Variants in PRG3 observed in about 807,000 individuals in gnomAD.
PRG3 encodes proteoglycan 3.
In PRG3, 25 loss-of-function variants were observed where a neutral mutation model predicts 26.1. The ratio of observed to expected loss-of-function variants is 0.96; its 90% CI spans 0.70 to 1.34. The LOEUF is 1.34. Ranked by LOEUF, PRG3 falls within the 40% of genes most tolerant of loss-of-function variation. The pLI, the probability that PRG3 is intolerant of heterozygous loss-of-function variation, is 0.00. For missense variants in PRG3, 280 were observed against 264.8 expected, an observed-to-expected ratio of 1.06 and a Z score of -0.40; for synonymous variants, 111 against 100.4, an observed-to-expected ratio of 1.11 and a Z score of -0.63.
intron 2 of PRG3, among the ~76,000 whole-genome samples, chr11:57,380,425 A>AC (rs1043084272): frequency 6.7e-6 from 1 of 148,456 alleles, no homozygotes; most frequent in African/African-American, 2.6e-5. Flanking sequence ...ACAAACAAAA[A>AC]AAAAAACAAA....
chr11:57,379,602 G>A lies in PRG3; in HGVS notation c.267C>T (p.Asp89=). The A allele has an allele frequency of 6.2e-7, 1 of 1,613,930 alleles. No homozygotes were observed. Among genetic ancestry groups the A allele is most frequent in the Non-Finnish European group, 8.5e-7 (1 of 1,180,024 alleles). Residue 89 remains aspartate (D), a synonymous_variant, in exon 3 of 6, where the codon GAC becomes GAT. Transcript: ENST00000287143. Reference sequence around the variant, plus strand: ...TGTCTTCTTCCCTGGGGCACTGGAAGTCCTTGTCTAAGGCAGCTGGGTCCG... The same window carrying A: ...TGTCTTCTTCCCTGGGGCACTGGAAATCCTTGTCTAAGGCAGCTGGGTCCG... The part of the protein sequence containing the change: ...MESDPAALDK[D]FQCPREEDIV...
Position 57,378,822 on chromosome 11 carries a change from G to GC in PRG3, c.376-11_376-10insG. 1 of 1,613,302 alleles carries GC rather than the reference G, an allele frequency of 6.2e-7. No individual in the cohort carries two copies. Among genetic ancestry groups the GC allele is most frequent in the Non-Finnish European group, 8.5e-7 (1 of 1,179,700 alleles). Reference sequence around the variant, plus strand: ...ATCTGCTGCAGACATTCTGCAGACGGAAACAAAGTAGAGAATTCCCTCTCA... The same window carrying GC: ...ATCTGCTGCAGACATTCTGCAGACGGCAAACAAAGTAGAGAATTCCCTCTCA... On this transcript the variant is annotated splice_polypyrimidine_tract_variant and intron_variant, in intron 3 of 5. Transcript: ENST00000287143.
rs1856981022 is a variant in PRG3, at chr11:57,379,796, G to C, written c.73C>G (p.Pro25Ala). Reference sequence around the variant, plus strand: ...TGTGTCTCTAGGCTCTCCAGATGGGGGGCATCATTCTCTGGGAAGAAGAGG... The same window carrying C: ...TGTGTCTCTAGGCTCTCCAGATGGGCGGCATCATTCTCTGGGAAGAAGAGG... ...VSALHLENDA[P>A]HLESLETQAD... Residue 25 changes from proline to alanine, a missense_variant, in exon 3 of 6, where the codon CCC becomes GCC. By Grantham distance (27) the Pro-to-Ala change is conservative. Transcript: ENST00000287143. 1 of 1,606,660 alleles carries C rather than the reference G, an allele frequency of 6.2e-7. No individual in the cohort carries two copies. The highest frequency in any genetic ancestry group is 1.1e-5 in the South Asian group (1 of 90,454).
intron 2 of PRG3, among the ~76,000 whole-genome samples, 156 bp downstream of exon 2, chr11:57,380,492 T>G (rs1015635006): frequency 6.6e-6 from 1 of 151,914 alleles, no homozygotes; most frequent in South Asian, 2.1e-4. Context: ...GTTACAGTTC[T>G]GAGTCCAAGT....
rs546237775 is a variant in PRG3, at chr11:57,377,636, G to A, written c.619+89C>T. On this transcript the variant is annotated intron_variant, in intron 5 of 5. Transcript: ENST00000287143. ...TCAGTCAGCGGGAGGGTCTGAGTTT[G>A]GGGAGGTGTGTTCAGGCAGCTCAAA... The A allele has an allele frequency of 1.5e-5, 16 of 1,077,222 alleles. No homozygotes were observed. In the South Asian group the frequency reaches 2.4e-4, roughly 16 times the overall value. 66.7% of individuals were successfully genotyped at this position (1,077,222 alleles called of 1,614,324 possible). A position where few individuals can be genotyped will look rare whatever the true frequency, so the allele number is the denominator to read the frequency against.
rs573497755 is a variant in PRG3 at position 57,378,117 on chromosome 11, C to A, written c.508-281G>T. Among the ~76,000 whole-genome samples the A allele has an allele frequency of 8.1e-4, 124 of 152,284 alleles. 2 individuals carry two copies. The highest frequency in any genetic ancestry group is 2.9e-3 in the African/African-American group (119 of 41,556). On this transcript the variant is annotated intron_variant, in intron 4 of 5. Coordinates refer to ENST00000287143, the MANE Select transcript of PRG3 (RefSeq NM_006093.4). Reference sequence around the variant, plus strand: ...GTCTGTGGTGGGGTCCAAGATTCTGCAGTTCTAACAAGCTCCCAGGGGATG... The same window carrying A: ...GTCTGTGGTGGGGTCCAAGATTCTGAAGTTCTAACAAGCTCCCAGGGGATG...
At chr11:57,379,899 G>C in intron 2 of PRG3, 92 bp from the exon 3 acceptor site, 1 of 1,191,784 alleles carries the variant, frequency 8.4e-7, no homozygotes, top group South Asian at 1.5e-5. Context: ...GCTTTCCTAG[G>C]AATTCCACCT....
chr11:57,379,919 A>G, intron 2 of PRG3, 112 bp from the exon 3 acceptor site: 1 of 1,001,956 alleles, frequency 1.0e-6, no homozygotes, highest in Non-Finnish European at 1.4e-6. Context: ...TGAAGACAAG[A>G]CTGGAGGATT....
At chr11:57,377,431 G>A (rs1406875345) in intron 5 of PRG3, among the ~76,000 whole-genome samples, 4 of 152,082 alleles carry the variant, frequency 2.6e-5, no homozygotes, top group African/African-American at 7.2e-5. Flanking sequence ...ATCCACTTCC[G>A]CTACTCTCAT....
At position 57,376,894 on chromosome 11, in the gene PRG3, G is replaced by A. The variant is rs149888825; in HGVS notation, c.634C>T (p.Arg212Ter). ...GGCAGTTGCTTGTCGCATTGAGCTC[G>A]TCGCCAATAACCTCCTAGCAGCACA... The part of the protein sequence containing the change: ...ALCTKGGYWR[R>*]AQCDKQLPFV... The change falls in exon 6 of 6, where the codon CGA becomes TGA. Residue 212 changes from arginine (R) to a stop codon, truncating the protein, a stop_gained. Transcript: ENST00000287143. LOFTEE classifies it low-confidence loss of function (END_TRUNC). 128 of 1,612,384 alleles carry A rather than the reference G, an allele frequency of 7.9e-5. No individual in the cohort carries two copies. The African/African-American group carries it at 1.5e-3, about 18-fold the overall frequency.
At chr11:57,378,660 A>G in intron 4 of PRG3, 21 bp downstream of exon 4, 1 of 1,610,476 alleles carries the variant, frequency 6.2e-7, no homozygotes. Context: ...TACTGCACCC[A>G]AGATTTGGCC....
intron 4 of PRG3, 141 bp from the exon 5 acceptor site, chr11:57,377,977 T>C (rs1480810522): frequency 1.5e-6 from 1 of 650,088 alleles, no homozygotes; most frequent in Admixed American, 2.7e-5. Context: ...TTCCAGGCAA[T>C]GACAGGAAGA....
chr11:57,379,171 G>A (rs947347658), intron 3 of PRG3, among the ~76,000 whole-genome samples: 3 of 152,216 alleles, frequency 2.0e-5, no homozygotes, highest in African/African-American at 4.8e-5. Context: ...AGGTAACACA[G>A]CTAATAAAAG....
rs138782633 is a variant in PRG3 at position 57,379,749 on chromosome 11, C to T, written c.120G>A (p.Leu40=). The T allele has an allele frequency of 2.5e-6, 4 of 1,613,816 alleles. No homozygotes were observed. The African/African-American group carries it at 5.3e-5, about 22-fold the overall frequency. The change falls in exon 3 of 6, where the codon CTG becomes CTA. Residue 40 remains leucine, a synonymous_variant. Transcript: ENST00000287143. ...LETQADLGQD[L]DSSKEQERDL... is the part of the protein sequence containing the mutation. ...CTCTCTCCTGCTCCTTTGAACTATC[C>T]AGATCCTGGCCTAGGTCTGCCTGTG...
At chr11:57,377,583 C>A in intron 5 of PRG3, 142 bp downstream of exon 5, 1 of 666,314 alleles carries the variant, frequency 1.5e-6, no homozygotes, top group Non-Finnish European at 2.5e-6. Context: ...TATGTCTCAG[C>A]CCTCCTTACA....
chr11:57,378,026 T>A (rs1015954292), intron 4 of PRG3, among the ~76,000 whole-genome samples, 190 bp from the exon 5 acceptor site: 3 of 152,208 alleles, frequency 2.0e-5, no homozygotes, highest in Non-Finnish European at 4.4e-5. Context: ...AGCAGGCTTC[T>A]CAAACTTTAC....
chr11:57,380,583 G>A (rs1856990061), intron 2 of PRG3, 65 bp downstream of exon 2: 1 of 1,395,708 alleles, frequency 7.2e-7, no homozygotes, highest in South Asian at 1.4e-5. Flanking sequence ...TAAAAGCGGG[G>A]GGAGGGGAGT....
Position 57,380,736 on chromosome 11 carries a change from CT to C in PRG3, c.-29del. 3 of 1,469,280 alleles carry C rather than the reference CT, an allele frequency of 2.0e-6. No individual in the cohort carries two copies. The highest frequency in any genetic ancestry group is 2.7e-6 in the Non-Finnish European group (3 of 1,097,764). The allele number at this position is 1,469,280 out of a possible 1,614,324, so 91.0% of individuals were successfully genotyped here. ...CTACTGTCTTTTAGCGAGGACACTA[CT>C]CCACCGTCCTTCTTGGGGCTGTCTT... On this transcript the variant is annotated 5_prime_UTR_variant, in exon 2 of 6. Transcript: ENST00000287143.
chr11:57,378,760 T>G lies in PRG3; in HGVS notation c.428A>C (p.Asn143Thr), dbSNP rs773519274. Residue 143 changes from asparagine to threonine, a missense_variant, in exon 4 of 6, where the codon AAC (asparagine) becomes ACC (threonine). By Grantham distance (65) the Asn-to-Thr change is moderately conservative. Coordinates refer to ENST00000287143, the MANE Select transcript of PRG3 (RefSeq NM_006093.4). The part of the protein sequence containing the change: ...GGNLVSIHDF[N>T]FNYRIQCCTS... The stretch of plus-strand genomic sequence containing the variant: ...GCAGCACTGAATGCGATAGTTGAAG[T>G]TGAAGTCATGGATAGAGACAAGGTT... 1 of 1,613,724 alleles carries G rather than the reference T, an allele frequency of 6.2e-7. No individual in the cohort carries two copies. The highest frequency in any genetic ancestry group is 8.5e-7 in the Non-Finnish European group (1 of 1,179,934).
Sources: gnomAD v4.1 joint callset for allele counts (sites outside exome capture counted in the v4.1 genomes callset) on GRCh38, gnomAD v4.1.1 for gene constraint, MANE v1.5 for transcripts, NCBI Gene and HGNC (gene_info 2026-07-23, HGNC 2026-07-21) for gene names.